Variants in ADAMTS8 observed in about 807,000 individuals in gnomAD.
ADAMTS8 encodes ADAM metallopeptidase with thrombospondin type 1 motif 8, also known as A disintegrin and metalloproteinase with thrombospondin motifs 8.
A neutral mutation model predicts 64.4 loss-of-function variants in ADAMTS8; 50 were observed. The ratio of observed to expected loss-of-function variants is 0.78; its 90% confidence interval spans 0.62 to 0.98. The LOEUF (loss-of-function observed/expected upper bound fraction) is 0.98, where lower values mean the gene tolerates loss of function less well. ADAMTS8 is among the 50% of genes least tolerant of loss of function. ADAMTS8 has a pLI of 0.00. For missense variants in ADAMTS8, 1,192 were observed against 1,208.2 expected, an observed-to-expected ratio of 0.99 and a Z score of 0.20; for synonymous variants, 556 against 533.6, an observed-to-expected ratio of 1.04 and a Z score of -0.58.
intron 1 of ADAMTS8, among the ~76,000 whole-genome samples, chr11:130,424,754 G>A (rs1056028637): frequency 6.6e-6 from 1 of 152,112 alleles, no homozygotes; most frequent in South Asian, 2.1e-4. Flanking sequence ...AGACAGTCAC[G>A]CCTGTCCTGC....
rs1861945648 is a variant in ADAMTS8 at position 130,411,082 on chromosome 11, T to C, written c.1750+335A>G. Among the ~76,000 whole-genome samples the C allele has an allele frequency of 6.6e-6, 1 of 152,144 alleles. No individual in the cohort carries two copies. The highest frequency in any genetic ancestry group is 2.1e-4 in the South Asian group (1 of 4,826). ...TAGACACCAGCCCCTCTGCAGAGGC[T>C]CCTCCCCAATAAGTTTGGTTGGGAG... On this transcript the variant is annotated intron_variant, in intron 6 of 8. Transcript: ENST00000257359. The surrounding 1 kb of genome is among the most constrained non-coding windows in gnomAD (Gnocchi z 4.2).
intron 1 of ADAMTS8, 120 bp from the exon 2 acceptor site, chr11:130,419,412 C>T: frequency 7.2e-7 from 1 of 1,384,936 alleles, no homozygotes. Context: ...CTACCAAAGC[C>T]TCACAATACC....
chr11:130,425,925 C>A (rs1170471136), intron 1 of ADAMTS8, among the ~76,000 whole-genome samples: 1 of 152,042 alleles, frequency 6.6e-6, no homozygotes, highest in African/African-American at 2.4e-5. Context: ...CTGGTGGAGC[C>A]CCCTAGGAGC....
chr11:130,421,619 T>C (rs760086521), intron 1 of ADAMTS8, among the ~76,000 whole-genome samples: 8 of 152,122 alleles, frequency 5.3e-5, no homozygotes, highest in Non-Finnish European at 1.0e-4. Flanking sequence ...TCTACTGAGT[T>C]TTTGGTTTTC....
Position 130,427,625 on chromosome 11 carries a change from A to G in ADAMTS8, c.662T>C (p.Val221Ala). ...TKRFVSEARF[V>A]ETLLVADASM... ...CGCATCGGCCACCAGCAGCGTCTCC[A>G]CGAAGCGCGCCTCAGACACAAACCG... is the stretch of plus-strand genomic sequence containing the variant. Residue 221 changes from valine (V) to alanine (A), a missense_variant, in exon 1 of 9, where the codon GTG becomes GCG. Coordinates refer to ENST00000257359, the MANE Select transcript of ADAMTS8 (RefSeq NM_007037.6). 1.3e-6 allele frequency: 2 copies of G among 1,564,222 alleles called. No individual in the cohort carries two copies. The highest frequency in any genetic ancestry group is 1.4e-5 in the African/African-American group (1 of 73,866).
At chr11:130,413,069 C>A (rs1565375414) in intron 5 of ADAMTS8, among the ~76,000 whole-genome samples, 3 of 152,164 alleles carry the variant, frequency 2.0e-5, no homozygotes, top group African/African-American at 7.2e-5. Context: ...CAGGGTTTCA[C>A]CATGTTGGTG....
rs370322673 is a variant in ADAMTS8 at position 130,416,356 on chromosome 11, C to T, written c.1097-26G>A. 1.1e-4 allele frequency: 173 copies of T among 1,527,666 alleles called. No homozygotes were observed. In the East Asian group the frequency reaches 3.2e-3, roughly 28 times the overall value. The allele number at this position is 1,527,666 out of a possible 1,614,324, so 94.6% of individuals were successfully genotyped here. ...CTGGGGAGAGAGGCCTGGTCCACTCCGCCCTGTCCTGCCTGAGGGCGCCCC... is the reference window on the plus strand; with the variant it reads ...CTGGGGAGAGAGGCCTGGTCCACTCTGCCCTGTCCTGCCTGAGGGCGCCCC... On this transcript the variant is annotated intron_variant, in intron 3 of 8. Coordinates refer to ENST00000257359, the MANE Select transcript of ADAMTS8 (RefSeq NM_007037.6). This position sits in a 1 kb window ranked among gnomAD's most constrained non-coding sequence, Gnocchi z 4.8.
At chr11:130,425,090 G>A (rs1234991508) in intron 1 of ADAMTS8, among the ~76,000 whole-genome samples, 3 of 152,164 alleles carry the variant, frequency 2.0e-5, no homozygotes, top group South Asian at 4.1e-4. Flanking sequence ...CCAGAAATGC[G>A]TGTTTGTGGG....
At chr11:130,413,154 G>A (rs1205242804) in intron 5 of ADAMTS8, among the ~76,000 whole-genome samples, 1 of 151,940 alleles carries the variant, frequency 6.6e-6, no homozygotes, top group Non-Finnish European at 1.5e-5. Flanking sequence ...TACAGCACCT[G>A]GCCTGATTCT....
chr11:130,408,881 C>T lies in ADAMTS8; in HGVS notation c.1810G>A (p.Asp604Asn). The change falls in exon 7 of 9, where the codon GAC becomes AAC. Residue 604 changes from aspartate (D) to asparagine (N), a missense_variant. Around this residue, in one of 5 missense-constraint regions of ADAMTS8, gnomAD observed 290 missense variants for 297.8 expected, o/e 0.97. Transcript: ENST00000257359. ...GGGACCCACTGCAGGAGATTCCCGT[C>T]CATGTCAGTGTAATTGTAGGCATTA... is the stretch of plus-strand genomic sequence containing the variant. Reference protein sequence around the residue: ...KYNAYNYTDMDGNLLQWVPKY... With the variant: ...KYNAYNYTDMNGNLLQWVPKY... 2.5e-6 allele frequency: 4 copies of T among 1,608,762 alleles called. No homozygotes were observed. Among genetic ancestry groups the T allele is most frequent in the Non-Finnish European group, 3.4e-6 (4 of 1,177,758 alleles).
At chr11:130,409,237 G>A (rs1861923823) in intron 6 of ADAMTS8, among the ~76,000 whole-genome samples, 1 of 152,098 alleles carries the variant, frequency 6.6e-6, no homozygotes. Flanking sequence ...GAGCAACAGG[G>A]AACAATTCAG....
rs1413236930 is a variant in ADAMTS8 at position 130,405,667 on chromosome 11, C to T, written c.2561G>A (p.Arg854Lys). The T allele has an allele frequency of 3.7e-6, 6 of 1,613,974 alleles. No homozygotes were observed. The highest frequency in any genetic ancestry group is 5.1e-6 in the Non-Finnish European group (6 of 1,179,982). ...CSSTCGAGWQ[R>K]RTVECRDPSG... Reference sequence around the variant, plus strand: ...GGGGTCCCTGCACTCTACAGTTCGCCTCTGCCAGCCGGCCCCGCAGGTGCT... The same window carrying T: ...GGGGTCCCTGCACTCTACAGTTCGCTTCTGCCAGCCGGCCCCGCAGGTGCT... Residue 854 changes from arginine to lysine, a missense_variant, in exon 9 of 9, where the codon AGG (arginine) becomes AAG (lysine). Coordinates refer to ENST00000257359, the MANE Select transcript of ADAMTS8 (RefSeq NM_007037.6).
intron 8 of ADAMTS8, among the ~76,000 whole-genome samples, chr11:130,406,452 C>G (rs7931326): frequency 0.12 from 18,381 of 152,134 alleles, 1,482 homozygotes; most frequent in African/African-American, 0.22. Context: ...CTGGTGTAGC[C>G]AAACCTGGCA....
In ADAMTS8 at chr11:130,419,191, T is replaced by G. The variant is rs1288135177; in HGVS notation, c.822A>C (p.Glu274Asp). ...ACACCTCTGGGCCCCATTTTTCATC[T>G]TCTACGATCAGCACTTTTACCACCA... ...NLMVVKVLIV[E>D]DEKWGPEVSD... The change falls in exon 2 of 9, where the codon GAA (glutamate) becomes GAC (aspartate). Residue 274 changes from glutamate to aspartate, a missense_variant. Physicochemically the swap from Glu to Asp is conservative, Grantham distance 45. Around this residue, in one of 5 missense-constraint regions of ADAMTS8, gnomAD observed 741 missense variants for 710.6 expected, o/e 1.04. Coordinates refer to ENST00000257359, the MANE Select transcript of ADAMTS8 (RefSeq NM_007037.6). 2.5e-6 allele frequency: 4 copies of G among 1,614,098 alleles called. No individual in the cohort carries two copies. The highest frequency in any genetic ancestry group is 1.3e-5 in the African/African-American group (1 of 74,942).
chr11:130,415,485 A>G (rs61268116), intron 4 of ADAMTS8, among the ~76,000 whole-genome samples: 6,367 of 150,348 alleles, frequency 0.042, 449 homozygotes, highest in African/African-American at 0.14. Flanking sequence ...TTGTATCTTT[A>G]GTAGAGATGG....
At position 130,404,966 on chromosome 11, in the gene ADAMTS8, A is replaced by G; in HGVS notation, c.*592T>C. ...TTAGTTCAGAGACACATTTGCATAA[A>G]TACTTGAAATGGATCCACCCCTGCA... On this transcript the variant is annotated 3_prime_UTR_variant, in exon 9 of 9. Transcript: ENST00000257359. 3 of 984,654 alleles carry G rather than the reference A, an allele frequency of 3.0e-6. No homozygotes were observed. The highest frequency in any genetic ancestry group is 1.2e-6 in the Non-Finnish European group (1 of 828,754). The allele number at this position is 984,654 out of a possible 1,614,324, so 61.0% of individuals were successfully genotyped here. A position where few individuals can be genotyped will look rare whatever the true frequency, so the allele number is the denominator to read the frequency against.
At position 130,414,600 on chromosome 11, in the gene ADAMTS8, C is replaced by A; in HGVS notation, c.1497G>T (p.Thr499=). The A allele has an allele frequency of 6.2e-7, 1 of 1,613,296 alleles. No homozygotes were observed. Among genetic ancestry groups the A allele is most frequent in the Non-Finnish European group, 8.5e-7 (1 of 1,179,922 alleles). The part of the protein sequence containing the change: ...KNGSLPWADG[T]PCGPGHLCSE... Reference sequence around the variant, plus strand: ...AGCAGAGGTGCCCAGGCCCGCACGGCGTGCCGTCAGCCCAGGGCAGGCTGC... The same window carrying A: ...AGCAGAGGTGCCCAGGCCCGCACGGAGTGCCGTCAGCCCAGGGCAGGCTGC... Residue 499 remains threonine (T), a synonymous_variant, in exon 5 of 9, where the codon ACG becomes ACT. Transcript: ENST00000257359.
intron 2 of ADAMTS8, among the ~76,000 whole-genome samples, chr11:130,417,749 G>A (rs1231984512): frequency 2.0e-5 from 3 of 152,118 alleles, no homozygotes; most frequent in South Asian, 2.1e-4. Context: ...GGAGGAAGAC[G>A]CAACAGCAGT....
chr11:130,412,342 T>C (rs1428942642), intron 5 of ADAMTS8, among the ~76,000 whole-genome samples: 1 of 152,048 alleles, frequency 6.6e-6, no homozygotes, highest in African/African-American at 2.4e-5. Flanking sequence ...GCCTCCCGAA[T>C]AACTGGGATT....
Sources: allele counts gnomAD v4.1 joint callset (sites outside exome capture counted in the v4.1 genomes callset), GRCh38; gene constraint gnomAD v4.1.1; regional missense constraint gnomAD v4.1.1; non-coding constraint Gnocchi (gnomAD v3.1); transcripts MANE v1.5; gene names NCBI Gene and HGNC (gene_info 2026-07-23, HGNC 2026-07-21).